The following CADM2 variants were observed in gnomAD, a reference collection of about 807,000 sequenced individuals.
CADM2 encodes immunoglobulin superfamily member 4D.
CADM2 carries 12 observed loss-of-function variants against 49.8 expected under a neutral mutation model. The observed-to-expected ratio is 0.24, with a 90% CI of 0.15 to 0.39. The LOEUF (loss-of-function observed/expected upper bound fraction) is 0.39. Among genes scored for constraint, CADM2 ranks in the 10% least tolerant of loss-of-function variants. The pLI, the probability that CADM2 is intolerant of heterozygous loss-of-function variation, is 1.00. For synonymous variants in CADM2, 214 were observed against 175.4 expected (o/e 1.22, Z -1.74); for missense variants, 378 against 492.3 (o/e 0.77, Z 2.20).
intron 1 of CADM2, among the ~76,000 whole-genome samples, chr3:85,293,178 G>A (rs1226415529): frequency 1.3e-5 from 2 of 152,026 alleles, no homozygotes; most frequent in Admixed American, 6.6e-5. Context: ...AAATAAACTG[G>A]AAAATCTAGA....
At chr3:85,495,740 C>T (rs562094958) in intron 1 of CADM2, among the ~76,000 whole-genome samples, 18 of 152,052 alleles carry the variant, frequency 1.2e-4, no homozygotes, top group African/African-American at 4.3e-4. Flanking sequence ...ATGCATGTCA[C>T]ATGGCAAGAG....
chr3:85,348,137 A>G (rs1297856684), intron 1 of CADM2, among the ~76,000 whole-genome samples: 2 of 152,050 alleles, frequency 1.3e-5, no homozygotes, highest in Non-Finnish European at 1.5e-5. Flanking sequence ...CTCCCAGTGT[A>G]TCATGTTGTC....
intron 1 of CADM2, among the ~76,000 whole-genome samples, chr3:85,361,764 A>G (rs1400737749): frequency 6.6e-6 from 1 of 152,176 alleles, no homozygotes; most frequent in Non-Finnish European, 1.5e-5. Context: ...TAAAAATCCC[A>G]CATTAGCAAG....
intron 1 of CADM2, among the ~76,000 whole-genome samples, chr3:85,226,222 A>C (rs1468221672): frequency 6.7e-6 from 1 of 149,848 alleles, no homozygotes. Context: ...CTCTAATAGA[A>C]TTTGGCTATG....
chr3:85,546,908 A>G (rs981160239), intron 1 of CADM2, among the ~76,000 whole-genome samples: 12 of 152,132 alleles, frequency 7.9e-5, no homozygotes, highest in African/African-American at 2.9e-4. Context: ...GTCAAACACC[A>G]TCTTTTTCAA....
At chr3:85,532,380 A>AT (rs1359397958) in intron 1 of CADM2, among the ~76,000 whole-genome samples, 9 of 151,968 alleles carry the variant, frequency 5.9e-5, no homozygotes, top group East Asian at 5.8e-4. Context: ...CCTGGAGCAA[A>AT]TTTTTTTTAT....
intron 5 of CADM2, among the ~76,000 whole-genome samples, 191 bp downstream of exon 5, chr3:85,886,518 G>A (rs571031272): frequency 1.3e-5 from 2 of 152,064 alleles, no homozygotes; most frequent in Admixed American, 6.6e-5. Flanking sequence ...TGATCCCTGT[G>A]GGCCTCATTT....
At chr3:85,290,083 T>C (rs2043743000) in intron 1 of CADM2, among the ~76,000 whole-genome samples, 1 of 152,090 alleles carries the variant, frequency 6.6e-6, no homozygotes, top group African/African-American at 2.4e-5. Context: ...AGTGGGTGTG[T>C]GCACCGTGGG....
intron 1 of CADM2, among the ~76,000 whole-genome samples, chr3:85,192,342 C>T (rs1053501514): frequency 6.6e-6 from 1 of 151,910 alleles, no homozygotes; most frequent in African/African-American, 2.4e-5. Flanking sequence ...TAGTGGATTT[C>T]TGTATGTCAT....
At chr3:86,022,911 G>C (rs1279811766) in intron 8 of CADM2, among the ~76,000 whole-genome samples, 1 of 151,934 alleles carries the variant, frequency 6.6e-6, no homozygotes, top group Non-Finnish European at 1.5e-5. Flanking sequence ...ACATTCTATT[G>C]CTACTTTTTT....
chr3:85,546,582 A>T (rs1373985046), intron 1 of CADM2, among the ~76,000 whole-genome samples: 1 of 152,118 alleles, frequency 6.6e-6, no homozygotes, highest in African/African-American at 2.4e-5. Flanking sequence ...ATTAAATTAT[A>T]TATGATAAAA....
chr3:85,662,504 G>A (rs1052477950), intron 1 of CADM2, among the ~76,000 whole-genome samples: 5 of 151,868 alleles, frequency 3.3e-5, no homozygotes, highest in Non-Finnish European at 1.5e-5. Flanking sequence ...CTCTCCCTCT[G>A]ATTTTTAAAT....
intron 1 of CADM2, among the ~76,000 whole-genome samples, chr3:85,287,907 T>C (rs1413120958): frequency 7.8e-6 from 1 of 128,756 alleles, no homozygotes; most frequent in Non-Finnish European, 1.5e-5. Flanking sequence ...TGAGAACACA[T>C]GGACACAGGA....
intron 3 of CADM2, among the ~76,000 whole-genome samples, chr3:85,821,095 A>G (rs2073531532): frequency 6.6e-6 from 1 of 152,096 alleles, no homozygotes; most frequent in Non-Finnish European, 1.5e-5. Context: ...CAAATCCAGA[A>G]AAAAATAATT....
chr3:86,019,964 A>C (rs1016849799), intron 8 of CADM2, among the ~76,000 whole-genome samples: 5 of 152,220 alleles, frequency 3.3e-5, no homozygotes, highest in African/African-American at 1.2e-4. Flanking sequence ...TTCAAAAGCT[A>C]GCAGAAGGCA....
At chr3:85,096,718 TATAGATCTCTA>T (rs1232266225) in intron 1 of CADM2, among the ~76,000 whole-genome samples, 2 of 152,118 alleles carry the variant, frequency 1.3e-5, no homozygotes, top group African/African-American at 4.8e-5. Context: ...AATGGGTTGA[TATAGATCTCTA>T]AACATTCAGT....
At chr3:85,340,297 C>T (rs1576376672) in intron 1 of CADM2, among the ~76,000 whole-genome samples, 1 of 151,454 alleles carries the variant, frequency 6.6e-6, no homozygotes, top group Non-Finnish European at 1.5e-5. Flanking sequence ...AAGCCTCTGC[C>T]ATGTGATGTT....
chr3:85,787,530 T>G (rs1335278372), intron 2 of CADM2, among the ~76,000 whole-genome samples: 1 of 152,054 alleles, frequency 6.6e-6, no homozygotes, highest in South Asian at 2.1e-4. Flanking sequence ...CCAGGCATAC[T>G]CAAGTCCCAC....
At chr3:86,039,932 C>G (rs552998986) in intron 8 of CADM2, among the ~76,000 whole-genome samples, 1 of 152,136 alleles carries the variant, frequency 6.6e-6, no homozygotes, top group African/African-American at 2.4e-5. Context: ...CACCAATATC[C>G]GCTGGTCTGC....
Sources: allele counts gnomAD v4.1 joint callset (sites outside exome capture counted in the v4.1 genomes callset), GRCh38; gene constraint gnomAD v4.1.1; transcripts MANE v1.5; gene names NCBI Gene and HGNC (gene_info 2026-07-23, HGNC 2026-07-21).